Variants in SDK1 observed in about 807,000 individuals in gnomAD.
SDK1 encodes the protein protein sidekick-1.
SDK1 carries 157 observed loss-of-function variants against 245.5 expected under a neutral mutation model. That is an observed-to-expected ratio of 0.64 (90% CI 0.56 to 0.73). SDK1 has a LOEUF of 0.73. Among genes scored for constraint, SDK1 ranks in the 30% least tolerant of loss-of-function variants. SDK1 has a pLI of 0.00. For missense variants in SDK1, 3,583 were observed against 3,002.3 expected, an observed-to-expected ratio of 1.19 and a Z score of -4.52; for synonymous variants, 1,647 against 1,278.5, an observed-to-expected ratio of 1.29 and a Z score of -6.15.
At chr7:3,771,005 T>C (rs1780392021) in intron 4 of SDK1, among the ~76,000 whole-genome samples, 2 of 152,174 alleles carry the variant, frequency 1.3e-5, no homozygotes, top group Admixed American at 6.5e-5. Flanking sequence ...CTGAATTGGC[T>C]GGGTGTTTTT....
At chr7:3,496,115 G>A (rs1782017400) in intron 1 of SDK1, among the ~76,000 whole-genome samples, 2 of 152,152 alleles carry the variant, frequency 1.3e-5, no homozygotes, top group Admixed American at 1.3e-4. Context: ...GTGTGGTCTT[G>A]AATTCCTGCT....
chr7:3,525,428 C>G (rs1783094031), intron 1 of SDK1, among the ~76,000 whole-genome samples: 1 of 152,094 alleles, frequency 6.6e-6, no homozygotes, highest in African/African-American at 2.4e-5. Context: ...TTTCTTGTGT[C>G]TGGGAGGTTG....
At chr7:3,359,015 T>G (rs1309758259) in intron 1 of SDK1, among the ~76,000 whole-genome samples, 1 of 152,204 alleles carries the variant, frequency 6.6e-6, no homozygotes, top group African/African-American at 2.4e-5. Context: ...CCGGGAGTTA[T>G]GCTGGTTTCC....
intron 1 of SDK1, among the ~76,000 whole-genome samples, chr7:3,601,580 G>C (rs1178659662): frequency 6.6e-6 from 1 of 151,572 alleles, no homozygotes; most frequent in Non-Finnish European, 1.5e-5. Flanking sequence ...TTGATGATTT[G>C]TGTCTTCTCT....
intron 1 of SDK1, among the ~76,000 whole-genome samples, chr7:3,366,987 G>C (rs1246523049): frequency 6.6e-6 from 1 of 152,020 alleles, no homozygotes; most frequent in Non-Finnish European, 1.5e-5. Context: ...TGATCCACCT[G>C]CCTCAGCCTC....
chr7:3,693,002 TTGAGA>T (rs1784477045), intron 4 of SDK1, among the ~76,000 whole-genome samples: 2 of 152,170 alleles, frequency 1.3e-5, no homozygotes, highest in African/African-American at 4.8e-5. Context: ...CAGTTTTCTG[TTGAGA>T]TGATAGCCTT....
intron 4 of SDK1, among the ~76,000 whole-genome samples, chr7:3,747,905 G>A (rs1039637463): frequency 1.3e-5 from 2 of 151,950 alleles, no homozygotes; most frequent in African/African-American, 4.8e-5. Flanking sequence ...ATATAGGAAG[G>A]GGTCACAGCA....
At chr7:3,401,218 C>A (rs910713845) in intron 1 of SDK1, among the ~76,000 whole-genome samples, 2 of 152,134 alleles carry the variant, frequency 1.3e-5, no homozygotes, top group Non-Finnish European at 2.9e-5. Flanking sequence ...AAGAGGTCTT[C>A]TAGAATAATC....
chr7:4,191,215 A>T (rs1584408011), intron 35 of SDK1, among the ~76,000 whole-genome samples: 2 of 151,150 alleles, frequency 1.3e-5, no homozygotes, highest in South Asian at 2.1e-4. Flanking sequence ...CGCCGCAGTC[A>T]CGGTGGGTGT....
chr7:4,069,915 G>T (rs142671520), intron 20 of SDK1, among the ~76,000 whole-genome samples: 1 of 152,160 alleles, frequency 6.6e-6, no homozygotes, highest in South Asian at 2.1e-4. Context: ...GGGCATGTGC[G>T]CATTCTCTCC....
rs117691035 is a variant in SDK1 at position 3,630,881 on chromosome 7, T to G, written c.459-8123T>G. Among the ~76,000 whole-genome samples the G allele has an allele frequency of 2.5e-3, 386 of 152,084 alleles. 10 individuals are homozygous for G. In the East Asian group the frequency reaches 0.061, roughly 24 times the overall value. The stretch of plus-strand genomic sequence containing the variant: ...TTAGGCCCGAGACCCTGAGACAAAT[T>G]ACATAACTAAAATCTAAAATTCATC... On this transcript the variant is annotated intron_variant, in intron 2 of 44. Coordinates refer to ENST00000404826, the MANE Select transcript of SDK1 (RefSeq NM_152744.4).
rs73294263 is a variant in SDK1 at position 3,379,574 on chromosome 7, G to C, written c.298+77690G>C. On this transcript the variant is annotated intron_variant, in intron 1 of 44. Coordinates refer to ENST00000404826, the MANE Select transcript of SDK1 (RefSeq NM_152744.4). ...CCTCAAGGACATTTACTATTGCTGT[G>C]GTTCATTTTCATTCTGTATTTTTCT... Among the ~76,000 whole-genome samples the C allele has an allele frequency of 5.9e-3, 893 of 152,160 alleles. 10 individuals are homozygous for C. The highest frequency in any genetic ancestry group is 0.021 in the African/African-American group (864 of 41,508).
At chr7:4,169,053 G>T (rs1781673927) in intron 32 of SDK1, among the ~76,000 whole-genome samples, 2 of 152,186 alleles carry the variant, frequency 1.3e-5, no homozygotes, top group African/African-American at 4.8e-5. Flanking sequence ...CATTAGCGGG[G>T]ACCTGTTGCT....
chr7:3,584,207 A>T (rs746838040), intron 1 of SDK1, among the ~76,000 whole-genome samples: 10 of 152,142 alleles, frequency 6.6e-5, no homozygotes, highest in Non-Finnish European at 1.3e-4. Context: ...AGGGCCCTTA[A>T]TATGCTTTGT....
At chr7:4,048,595 C>A (rs76482957) in intron 17 of SDK1, among the ~76,000 whole-genome samples, 3 of 152,006 alleles carry the variant, frequency 2.0e-5, no homozygotes, top group African/African-American at 7.2e-5. Context: ...CAAGAACTTA[C>A]CCCTCACAGG....
At chr7:3,401,074 T>C (rs1032558191) in intron 1 of SDK1, among the ~76,000 whole-genome samples, 4 of 152,184 alleles carry the variant, frequency 2.6e-5, no homozygotes, top group South Asian at 2.1e-4. Context: ...CTCATAGCCC[T>C]CAGCTCCGTA....
intron 5 of SDK1, among the ~76,000 whole-genome samples, chr7:3,873,803 A>C (rs1781011691): frequency 6.6e-6 from 1 of 151,984 alleles, no homozygotes; most frequent in African/African-American, 2.4e-5. Context: ...TCACTTAATT[A>C]TTTTTATAGT....
rs116474830 is a variant in SDK1, at chr7:3,766,209, A to T, written c.714-55241A>T. ...AGGACATTATTCTTATCTCCACAGT[A>T]TCTCATTTGCATTAGTTAATATTAA... On this transcript the variant is annotated intron_variant, in intron 4 of 44. Transcript: ENST00000404826. 2.1e-3 allele frequency among the ~76,000 whole-genome samples: 315 copies of T among 152,310 alleles called. 1 individual carries two copies. The highest frequency in any genetic ancestry group is 7.3e-3 in the African/African-American group (302 of 41,574).
chr7:3,988,605 C>G, intron 14 of SDK1, among the ~76,000 whole-genome samples: 1 of 152,260 alleles, frequency 6.6e-6, no homozygotes, highest in Middle Eastern at 3.4e-3. Context: ...ACACATGAAA[C>G]TCAACACGGA....
Sources: gnomAD v4.1 joint callset for allele counts (sites outside exome capture counted in the v4.1 genomes callset) on GRCh38, gnomAD v4.1.1 for gene constraint, MANE v1.5 for transcripts, NCBI Gene and HGNC (gene_info 2026-07-23, HGNC 2026-07-21) for gene names.